MAFF: variants seen among roughly 807,000 people sequenced by gnomAD.
MAFF encodes MAF bZIP transcription factor F.
A neutral mutation model predicts 2.7 loss-of-function variants in MAFF; 4 were observed. The ratio of observed to expected loss-of-function variants is 1.48; its 90% CI spans 0.73 to 3.39. The LOEUF (loss-of-function observed/expected upper bound fraction) is 3.39. MAFF is among the 30% of genes most tolerant of loss of function. The pLI is 0.01. For missense variants in MAFF, 190 were observed against 246.6 expected, an observed-to-expected ratio of 0.77 and a Z score of 1.54; for synonymous variants, 113 against 119.4, an observed-to-expected ratio of 0.95 and a Z score of 0.35.
Position 38,214,415 on chromosome 22 carries a change from C to G in MAFF, c.37-5C>G, listed in dbSNP as rs2091126876. The G allele has an allele frequency of 6.3e-7, 1 of 1,581,944 alleles. No homozygotes were observed. Among genetic ancestry groups the G allele is most frequent in the Non-Finnish European group, 8.6e-7 (1 of 1,162,192 alleles). On this transcript the variant is annotated splice_region_variant and splice_polypyrimidine_tract_variant and intron_variant, in intron 2 of 2. Coordinates refer to ENST00000338483, the MANE Select transcript of MAFF (RefSeq NM_012323.4). The surrounding 1 kb of genome is among the most constrained non-coding windows in gnomAD (Gnocchi z 6.3). ...CCCTGGACCTCAGTTTCCTCATGCC[C>G]GCAGATCAAGCGAGAGCTGAGCGAG...
intron 1 of MAFF, among the ~76,000 whole-genome samples, chr22:38,206,907 G>A (rs1016075572): frequency 1.3e-5 from 2 of 152,110 alleles, no homozygotes; most frequent in Admixed American, 1.3e-4. Flanking sequence ...GCTGGTAAGG[G>A]GGCCTGGATA....
chr22:38,209,569 T>A (rs1444884246), intron 1 of MAFF, among the ~76,000 whole-genome samples: 1 of 151,590 alleles, frequency 6.6e-6, no homozygotes, highest in African/African-American at 2.4e-5. Context: ...TCCCGGCACT[T>A]CAGGAGGCCG....
intron 1 of MAFF, chr22:38,213,591 T>G (rs2091118360): frequency 4.7e-6 from 3 of 632,338 alleles, no homozygotes; most frequent in East Asian, 6.4e-5. Context: ...ACCTAAATGA[T>G]GAGGAGTCAC....
chr22:38,208,039 G>A (rs2091066883), intron 1 of MAFF, among the ~76,000 whole-genome samples: 1 of 152,192 alleles, frequency 6.6e-6, no homozygotes. Context: ...GGTAAAGGGA[G>A]GAGGCAGGAC....
rs71195092 is a variant in MAFF at position 38,207,423 on chromosome 22, CTT to C, written c.-32+5245_-32+5246del. On this transcript the variant is annotated intron_variant, in intron 1 of 2. Transcript: ENST00000338483. ...GGCATGAGCCACCTTGCTTGGCCAT[CTT>C]TTTTTTTTTTTTTTTTTTTTTTTTT... Among the ~76,000 whole-genome samples, 15 of 78,330 alleles carry C rather than the reference CTT, an allele frequency of 1.9e-4. 2 individuals carry two copies. The highest frequency in any genetic ancestry group is 5.8e-4 in the South Asian group (1 of 1,714). The allele number at this position is 78,330 out of a possible 152,430, so 51.4% of individuals were successfully genotyped here.
Position 38,213,902 on chromosome 22 carries a change from CCT to C in MAFF, c.36+16_36+17del. The C allele has an allele frequency of 1.2e-6, 2 of 1,614,058 alleles. No individual in the cohort carries two copies. The highest frequency in any genetic ancestry group is 1.7e-6 in the Non-Finnish European group (2 of 1,179,914). Reference sequence around the variant, plus strand: ...CAAAGCTCTAAAGGTGAGGAGGCAGCCTCTGTCAACCCAGTGAAGCCCTCCCT... The same window carrying C: ...CAAAGCTCTAAAGGTGAGGAGGCAGCCTGTCAACCCAGTGAAGCCCTCCCT... On this transcript the variant is annotated intron_variant, in intron 2 of 2. Transcript: ENST00000338483.
Position 38,214,512 on chromosome 22 carries a change from G to T in MAFF, c.129G>T (p.Gly43=). ...GCGAGCTGAACCGGCATCTGCGCGG[G>T]CTCTCCGCCGAGGAGGTGACACGGC... The part of the protein sequence containing the change: ...SVRELNRHLR[G]LSAEEVTRLK... The change falls in exon 3 of 3, where the codon GGG becomes GGT. Residue 43 remains glycine, a synonymous_variant. Transcript: ENST00000338483. This position sits in a 1 kb window ranked among gnomAD's most constrained non-coding sequence, Gnocchi z 6.3. 1.9e-6 allele frequency: 3 copies of T among 1,610,364 alleles called. No homozygotes were observed. Among genetic ancestry groups the T allele is most frequent in the Non-Finnish European group, 1.7e-6 (2 of 1,179,652 alleles).
At chr22:38,206,877 A>C (rs1464351654) in intron 1 of MAFF, among the ~76,000 whole-genome samples, 1 of 152,142 alleles carries the variant, frequency 6.6e-6, no homozygotes, top group African/African-American at 2.4e-5. Context: ...GCATCACTGC[A>C]CGTGCCAGCT....
In MAFF at chr22:38,215,092, G is replaced by A. The variant is rs1331155779; in HGVS notation, c.*214G>A. The A allele has an allele frequency of 2.0e-6, 1 of 506,578 alleles. No homozygotes were observed. The highest frequency in any genetic ancestry group is 3.6e-6 in the Non-Finnish European group (1 of 276,122). The allele number at this position is 506,578 out of a possible 1,614,324, so 31.4% of individuals were successfully genotyped here. A position where few individuals can be genotyped will look rare whatever the true frequency, so the allele number is the denominator to read the frequency against. ...GGGGAACTTGGGTAGGTTGGGGATGGGGCAGAGGTCTGGATCTGGGATCGC... is the reference window on the plus strand; with the variant it reads ...GGGGAACTTGGGTAGGTTGGGGATGAGGCAGAGGTCTGGATCTGGGATCGC... On this transcript the variant is annotated 3_prime_UTR_variant, in exon 3 of 3. Transcript: ENST00000338483.
intron 1 of MAFF, among the ~76,000 whole-genome samples, chr22:38,212,477 A>G (rs887927978): frequency 2.0e-5 from 3 of 152,190 alleles, no homozygotes; most frequent in Admixed American, 1.3e-4. Context: ...CCCCTTCTCC[A>G]GCCCAGAGCA....
rs2091147217 is a variant in MAFF, at chr22:38,216,053, A to G, written c.*1175A>G. On this transcript the variant is annotated 3_prime_UTR_variant, in exon 3 of 3. Transcript: ENST00000338483. ...CTGCAAATAAATCACATTTTATCTTATATTTAGGGAAAGCCGGAGAGCAAC... is the reference window on the plus strand; with the variant it reads ...CTGCAAATAAATCACATTTTATCTTGTATTTAGGGAAAGCCGGAGAGCAAC... 6.0e-6 allele frequency: 1 copy of G among 167,102 alleles called. No homozygotes were observed. Among genetic ancestry groups the G allele is most frequent in the African/African-American group, 2.4e-5 (1 of 41,444 alleles). The allele number at this position is 167,102 out of a possible 1,614,324, so 10.4% of individuals were successfully genotyped here.
At chr22:38,208,207 G>A (rs1211062425) in intron 1 of MAFF, among the ~76,000 whole-genome samples, 1 of 152,198 alleles carries the variant, frequency 6.6e-6, no homozygotes, top group African/African-American at 2.4e-5. Context: ...CCTCTACAGT[G>A]TATACCACTT....
intron 1 of MAFF, among the ~76,000 whole-genome samples, chr22:38,207,224 C>T (rs1025830480): frequency 6.6e-6 from 1 of 150,564 alleles, no homozygotes; most frequent in African/African-American, 2.4e-5. Flanking sequence ...AGGTTCTAAG[C>T]GATTCTCCTG....
At chr22:38,211,813 T>C (rs915103005) in intron 1 of MAFF, among the ~76,000 whole-genome samples, 2 of 152,182 alleles carry the variant, frequency 1.3e-5, no homozygotes. Context: ...CCTGCCAGAA[T>C]GTGTCAGAGG....
At position 38,214,422 on chromosome 22, in the gene MAFF, C is replaced by A. The variant is rs374499428; in HGVS notation, c.39C>A (p.Ile13=). ...CCTCAGTTTCCTCATGCCCGCAGAT[C>A]AAGCGAGAGCTGAGCGAGAACACGC... ...VDPLSSKALK[I]KRELSENTPH... is the part of the protein sequence containing the mutation. The change falls in exon 3 of 3, where the codon ATC becomes ATA. Residue 13 remains isoleucine, a splice_region_variant and synonymous_variant. Coordinates refer to ENST00000338483, the MANE Select transcript of MAFF (RefSeq NM_012323.4). The surrounding 1 kb of genome is among the most constrained non-coding windows in gnomAD (Gnocchi z 6.3). 6.3e-7 allele frequency: 1 copy of A among 1,590,052 alleles called. No individual in the cohort carries two copies. The highest frequency in any genetic ancestry group is 8.6e-7 in the Non-Finnish European group (1 of 1,166,620).
intron 1 of MAFF, among the ~76,000 whole-genome samples, chr22:38,208,128 C>T (rs980290383): frequency 6.6e-6 from 1 of 152,142 alleles, no homozygotes; most frequent in African/African-American, 2.4e-5. Flanking sequence ...AGAGCGAGAC[C>T]CCAGTGCTGG....
intron 1 of MAFF, among the ~76,000 whole-genome samples, chr22:38,204,812 C>T (rs1303867021): frequency 6.6e-6 from 1 of 152,118 alleles, no homozygotes; most frequent in Non-Finnish European, 1.5e-5. Context: ...GGCCTGAGGA[C>T]CCTACTGTGT....
At chr22:38,205,222 T>C (rs1448965268) in intron 1 of MAFF, 1 of 152,200 alleles carries the variant, frequency 6.6e-6, no homozygotes, top group African/African-American at 2.4e-5. Context: ...ACGTTTGGCA[T>C]AGTGGGAAAA....
chr22:38,213,341 C>T (rs1176775981), intron 1 of MAFF, among the ~76,000 whole-genome samples: 1 of 152,132 alleles, frequency 6.6e-6, no homozygotes, highest in Non-Finnish European at 1.5e-5. Context: ...ATATACCAGG[C>T]ACTGATTTAG....
Sources: allele counts gnomAD v4.1 joint callset (sites outside exome capture counted in the v4.1 genomes callset), GRCh38; gene constraint gnomAD v4.1.1; non-coding constraint Gnocchi (gnomAD v3.1); transcripts MANE v1.5; gene names NCBI Gene and HGNC (gene_info 2026-07-23, HGNC 2026-07-21).